Variants in ADCY7 observed in about 807,000 individuals in gnomAD.
ADCY7 encodes adenylate cyclase type 7.
ADCY7 carries 72 observed loss-of-function variants against 120.6 expected under a neutral mutation model. That is an observed-to-expected ratio of 0.60 (90% CI 0.49 to 0.73). The LOEUF is 0.73. Among genes scored for constraint, ADCY7 ranks in the 30% least tolerant of loss-of-function variants. The pLI is 0.00. For missense variants in ADCY7, 1,227 were observed against 1,486.0 expected (o/e 0.83, Z 2.87); for synonymous variants, 661 against 628.0 (o/e 1.05, Z -0.78).
At chr16:50,310,375 C>A (rs1210961439) in intron 18 of ADCY7, 19 of 1,298,080 alleles carry the variant, frequency 1.5e-5, no homozygotes, top group Non-Finnish European at 1.9e-5. Context: ...GGAGGGTAAG[C>A]TCACAAAAAC....
Position 50,307,281 on chromosome 16 carries a change from G to T in ADCY7, c.1850+134G>T. On this transcript the variant is annotated intron_variant, in intron 15 of 25. Transcript: ENST00000673801. ...TGGGGTCCTAGCAACTGGACCAGGGGCTGTGGCAGCACACCTTGAGTTACC... is the reference window on the plus strand; with the variant it reads ...TGGGGTCCTAGCAACTGGACCAGGGTCTGTGGCAGCACACCTTGAGTTACC... The T allele has an allele frequency of 5.5e-6, 4 of 731,062 alleles. 1 individual carries two copies. Among genetic ancestry groups the T allele is most frequent in the Middle Eastern group, 4.8e-4 (2 of 4,174 alleles). 45.3% of individuals were successfully genotyped at this position (731,062 alleles called of 1,614,324 possible).
chr16:50,270,176 C>CAGATAGATAGAT (rs35858506), intron 1 of ADCY7, among the ~76,000 whole-genome samples: 11,127 of 141,194 alleles, frequency 0.079, 517 homozygotes, highest in Non-Finnish European at 0.087. Flanking sequence ...GACCCTGTCT[C>CAGATAGATAGAT]AGATAGATAG....
At chr16:50,246,216 C>G (rs935453697) in intron 1 of ADCY7, 3 of 149,272 alleles carry the variant, frequency 2.0e-5, no homozygotes, top group Non-Finnish European at 4.5e-5. Flanking sequence ...GAGCGCGGGG[C>G]GCGGGGGAGC....
chr16:50,263,773 C>T (rs562081400), upstream of ADCY7, among the ~76,000 whole-genome samples: 1 of 152,064 alleles, frequency 6.6e-6, no homozygotes, highest in African/African-American at 2.4e-5. Context: ...ACTTGCCCTG[C>T]CTCCTATGCC....
intron 1 of ADCY7, among the ~76,000 whole-genome samples, chr16:50,283,475 C>T (rs932751304): frequency 6.6e-6 from 1 of 152,254 alleles, no homozygotes; most frequent in African/African-American, 2.4e-5. Context: ...CTTCACTTCC[C>T]AGGCCTGTGG....
At chr16:50,256,603 T>A (rs2032924267) in intron 1 of ADCY7, among the ~76,000 whole-genome samples, 1 of 152,018 alleles carries the variant, frequency 6.6e-6, no homozygotes, top group South Asian at 2.1e-4. Context: ...GTCAGGAGGC[T>A]GAGGTGGGAG....
chr16:50,313,841 G>A (rs550930404), intron 22 of ADCY7, 117 bp from the exon 23 acceptor site: 7 of 766,628 alleles, frequency 9.1e-6, no homozygotes, highest in East Asian at 7.6e-5. Context: ...GCCATGAGAC[G>A]TGTGTGCGAG....
intron 1 of ADCY7, among the ~76,000 whole-genome samples, chr16:50,285,785 C>T (rs2034544016): frequency 6.6e-6 from 1 of 152,194 alleles, no homozygotes; most frequent in South Asian, 2.1e-4. Context: ...TGAGGGATTG[C>T]ACAATTTTGG....
intron 1 of ADCY7, among the ~76,000 whole-genome samples, chr16:50,253,415 C>T (rs553605914): frequency 6.6e-6 from 1 of 152,254 alleles, no homozygotes; most frequent in Non-Finnish European, 1.5e-5. Context: ...CCATGCCCGA[C>T]TAATTTTTGT....
intron 1 of ADCY7, among the ~76,000 whole-genome samples, chr16:50,273,562 C>T (rs1402894553): frequency 1.3e-5 from 2 of 152,222 alleles, no homozygotes; most frequent in African/African-American, 4.8e-5. Flanking sequence ...GGCCTCTTTC[C>T]TGGTGGCAGG....
At chr16:50,291,650 G>A in intron 3 of ADCY7, 86 bp from the exon 4 acceptor site, 1 of 1,534,582 alleles carries the variant, frequency 6.5e-7, no homozygotes, top group Non-Finnish European at 8.9e-7. Context: ...TACGCACTGG[G>A]TGGGCTGCTG....
chr16:50,301,264 G>C (rs1323526289), intron 10 of ADCY7, 50 bp downstream of exon 10: 1 of 1,539,538 alleles, frequency 6.5e-7, no homozygotes, highest in Admixed American at 2.0e-5. Flanking sequence ...GGGACTGGAG[G>C]GGCCCTGGAG....
chr16:50,293,300 C>T, intron 5 of ADCY7, 54 bp from the exon 6 acceptor site: 1 of 1,589,860 alleles, frequency 6.3e-7, no homozygotes, highest in East Asian at 2.3e-5. Flanking sequence ...CCCCGCTGGT[C>T]CCTCCGCCGG....
intron 1 of ADCY7, among the ~76,000 whole-genome samples, chr16:50,254,182 T>C (rs2032844148): frequency 6.6e-6 from 1 of 152,132 alleles, no homozygotes. Flanking sequence ...GTTTTGACGT[T>C]TCATTATGAA....
intron 1 of ADCY7, among the ~76,000 whole-genome samples, chr16:50,275,892 C>T (rs1371439827): frequency 1.3e-5 from 2 of 152,172 alleles, no homozygotes; most frequent in Non-Finnish European, 2.9e-5. Context: ...GCACCCCCGC[C>T]CACCACCCTT....
intron 1 of ADCY7, among the ~76,000 whole-genome samples, chr16:50,286,880 G>A (rs2034616213): frequency 2.0e-5 from 3 of 152,316 alleles, no homozygotes; most frequent in South Asian, 4.1e-4. Flanking sequence ...AATCGAAATG[G>A]ATCAGAGACC....
intron 1 of ADCY7, among the ~76,000 whole-genome samples, chr16:50,258,595 ATTTT>A (rs5816685): frequency 7.1e-6 from 1 of 140,352 alleles, no homozygotes. Flanking sequence ...TTAAGGTAGT[ATTTT>A]TTTTTTTTTT....
intron 1 of ADCY7, among the ~76,000 whole-genome samples, chr16:50,257,767 G>C (rs1299606253): frequency 6.7e-6 from 1 of 148,982 alleles, no homozygotes; most frequent in African/African-American, 2.5e-5. Context: ...CTTTTTTTGA[G>C]ACAGGGTGTC....
intron 1 of ADCY7, among the ~76,000 whole-genome samples, chr16:50,247,513 C>T (rs1051603763): frequency 3.3e-5 from 5 of 151,068 alleles, no homozygotes; most frequent in Non-Finnish European, 7.4e-5. Flanking sequence ...TACAGGTGTG[C>T]GCCACCACGC....
Sources: gnomAD v4.1 joint callset for allele counts (sites outside exome capture counted in the v4.1 genomes callset) on GRCh38, gnomAD v4.1.1 for gene constraint, MANE v1.5 for transcripts, NCBI Gene and HGNC (gene_info 2026-07-23, HGNC 2026-07-21) for gene names.